Variants in ELAPOR1 observed in about 807,000 individuals in gnomAD.
ELAPOR1 encodes endosome/lysosome-associated apoptosis and autophagy regulator 1.
Under a neutral mutation model 119.7 loss-of-function variants are expected in ELAPOR1, and 77 were observed. The observed-to-expected ratio is 0.64, with a 90% CI of 0.54 to 0.78. The LOEUF is 0.78. Ranked by LOEUF, ELAPOR1 falls within the 30% of genes least tolerant of loss-of-function variation. ELAPOR1 has a pLI of 0.00. For synonymous variants in ELAPOR1, 481 were observed against 487.2 expected (o/e 0.99, Z 0.17); for missense variants, 1,115 against 1,270.4 (o/e 0.88, Z 1.86).
chr1:109,174,171 C>T (rs916581650), intron 7 of ELAPOR1, among the ~76,000 whole-genome samples: 1 of 151,616 alleles, frequency 6.6e-6, no homozygotes, highest in Non-Finnish European at 1.5e-5. Flanking sequence ...CCCCACCACA[C>T]CCAGCTAATT....
rs17838301 is a variant in ELAPOR1, at chr1:109,138,655, G to A, written c.154-23239G>A. Among the ~76,000 whole-genome samples, 577 of 151,102 alleles carry A rather than the reference G, an allele frequency of 3.8e-3. 6 individuals are homozygous for A. The highest frequency in any genetic ancestry group is 6.5e-3 in the Non-Finnish European group (442 of 67,624). On this transcript the variant is annotated intron_variant, in intron 1 of 21. Transcript: ENST00000369939. The stretch of plus-strand genomic sequence containing the variant: ...GGAACACTTTCTCCCCTGGGTCAGA[G>A]TCAAATGAGAAACCCAATGACGGTG...
chr1:109,114,180 C>T lies in ELAPOR1; in HGVS notation c.-4C>T, dbSNP rs1446100182. ...CGCTACTGCCGCTCACTCAGGACAA[C>T]GCTATGGCTGAGCCTGGGCACAGCC... On this transcript the variant is annotated 5_prime_UTR_variant, in exon 1 of 22. In the 5' UTR this introduces an upstream ATG that the reference lacks. Coordinates refer to ENST00000369939, the MANE Select transcript of ELAPOR1 (RefSeq NM_020775.5). 1.0e-5 allele frequency: 16 copies of T among 1,591,706 alleles called. No homozygotes were observed. Among genetic ancestry groups the T allele is most frequent in the Non-Finnish European group, 1.4e-5 (16 of 1,168,848 alleles).
intron 2 of ELAPOR1, 79 bp from the exon 3 acceptor site, chr1:109,164,420 C>T (rs1389710139): frequency 7.6e-7 from 1 of 1,312,248 alleles, no homozygotes; most frequent in Non-Finnish European, 1.1e-6. Context: ...GCGCTCCTCC[C>T]TTCAGCTGCT....
chr1:109,154,212 C>A (rs932751502), intron 1 of ELAPOR1, among the ~76,000 whole-genome samples: 1 of 137,394 alleles, frequency 7.3e-6, no homozygotes, highest in Non-Finnish European at 1.5e-5. Flanking sequence ...ACCTGGGAGG[C>A]GGAGGTTGCA....
intron 8 of ELAPOR1, among the ~76,000 whole-genome samples, chr1:109,186,301 C>T (rs1472654734): frequency 1.3e-5 from 2 of 152,094 alleles, no homozygotes; most frequent in East Asian, 3.9e-4. Flanking sequence ...GCTTGAGGTG[C>T]ACGGAGAAGG....
At chr1:109,165,985 C>T (rs11102947) in intron 3 of ELAPOR1, among the ~76,000 whole-genome samples, 2,243 of 151,798 alleles carry the variant, frequency 0.015, 48 homozygotes, top group African/African-American at 0.05. Context: ...GTGCCCTCTC[C>T]GCTCACTGCA....
intron 1 of ELAPOR1, among the ~76,000 whole-genome samples, chr1:109,157,168 T>C (rs1650931603): frequency 6.6e-6 from 1 of 152,130 alleles, no homozygotes; most frequent in Non-Finnish European, 1.5e-5. Context: ...AGACACAGTA[T>C]GTAAGTGTGA....
chr1:109,189,708 T>C (rs1570714766), intron 11 of ELAPOR1, 26 bp downstream of exon 11: 1 of 1,588,000 alleles, frequency 6.3e-7, no homozygotes, highest in South Asian at 1.1e-5. Flanking sequence ...CCCAGGGGAG[T>C]CCAGGCCAGC....
chr1:109,156,840 T>C (rs1650902372), intron 1 of ELAPOR1, among the ~76,000 whole-genome samples: 2 of 152,150 alleles, frequency 1.3e-5, no homozygotes, highest in African/African-American at 4.8e-5. Flanking sequence ...TGGCCTCGTG[T>C]GGGTCATGTG....
intron 14 of ELAPOR1, 122 bp downstream of exon 14, chr1:109,192,996 T>A: frequency 9.1e-7 from 1 of 1,097,200 alleles, no homozygotes; most frequent in Non-Finnish European, 1.3e-6. Context: ...AGCATACTCC[T>A]AGGTTGGAGT....
At chr1:109,150,864 T>C (rs965077092) in intron 1 of ELAPOR1, among the ~76,000 whole-genome samples, 1 of 152,322 alleles carries the variant, frequency 6.6e-6, no homozygotes, top group Admixed American at 6.5e-5. Flanking sequence ...CTTGGTTTGA[T>C]AAAATATTAA....
chr1:109,188,265 C>G lies in ELAPOR1; in HGVS notation c.1130C>G (p.Thr377Ser). 1 of 1,614,184 alleles carries G rather than the reference C, an allele frequency of 6.2e-7. No individual in the cohort carries two copies. The highest frequency in any genetic ancestry group is 8.5e-7 in the Non-Finnish European group (1 of 1,180,014). Residue 377 changes from threonine to serine, a missense_variant, in exon 9 of 22, where the codon ACC becomes AGC. Thr to Ser is a moderately conservative substitution (Grantham distance 58). Transcript: ENST00000369939. ...AVKLPASGVKTHCPPCNPGFF... is the reference protein window; with the variant it reads ...AVKLPASGVKSHCPPCNPGFF... ...AAGCTGCCTGCCTCTGGTGTGAAGA[C>G]CCACTGCCCACCCTGCAACCCAGGC...
chr1:109,145,018 A>G (rs187940074), intron 1 of ELAPOR1, among the ~76,000 whole-genome samples: 2 of 152,284 alleles, frequency 1.3e-5, no homozygotes, highest in East Asian at 3.9e-4. Context: ...AGTGTTACCA[A>G]TGTGATATAT....
At chr1:109,193,042 G>C (rs1387091927) in intron 14 of ELAPOR1, among the ~76,000 whole-genome samples, 168 bp downstream of exon 14, 2 of 151,980 alleles carry the variant, frequency 1.3e-5, no homozygotes, top group African/African-American at 4.8e-5. Flanking sequence ...GACTGTGGAG[G>C]GTTAGCAGGG....
At chr1:109,185,266 C>T in intron 8 of ELAPOR1, 133 bp downstream of exon 8, 1 of 686,812 alleles carries the variant, frequency 1.5e-6, no homozygotes, top group South Asian at 1.7e-5. Context: ...TTTGAGGTGA[C>T]CCTAGGGCTA....
chr1:109,190,400 A>G (rs971662062), intron 11 of ELAPOR1, among the ~76,000 whole-genome samples: 2 of 152,240 alleles, frequency 1.3e-5, no homozygotes, highest in Non-Finnish European at 2.9e-5. Context: ...GAATTCAGGC[A>G]AATGGCTAAA....
intron 1 of ELAPOR1, among the ~76,000 whole-genome samples, chr1:109,146,176 C>T (rs1433232439): frequency 3.3e-5 from 5 of 151,878 alleles, no homozygotes; most frequent in Admixed American, 6.6e-5. Flanking sequence ...AAAAATTAGC[C>T]GGGCATGGGG....
intron 1 of ELAPOR1, among the ~76,000 whole-genome samples, chr1:109,153,660 G>T (rs1465837020): frequency 6.7e-6 from 1 of 149,200 alleles, no homozygotes; most frequent in Non-Finnish European, 1.5e-5. Flanking sequence ...TTTGTTTTGA[G>T]ACAGAGTCTC....
chr1:109,198,117 C>A, intron 17 of ELAPOR1, 42 bp downstream of exon 17: 1 of 1,473,498 alleles, frequency 6.8e-7, no homozygotes, highest in Non-Finnish European at 9.5e-7. Flanking sequence ...AAACCTAGGA[C>A]TCCTCCATAA....
Sources: allele counts gnomAD v4.1 joint callset (sites outside exome capture counted in the v4.1 genomes callset), GRCh38; gene constraint gnomAD v4.1.1; transcripts MANE v1.5; gene names NCBI Gene and HGNC (gene_info 2026-07-23, HGNC 2026-07-21).